KHDRBS2: variants seen among roughly 807,000 people sequenced by gnomAD.
The protein encoded by KHDRBS2 is KH domain-containing, RNA-binding, signal transduction-associated protein 2.
A neutral mutation model predicts 44.3 loss-of-function variants in KHDRBS2; 26 were observed. The observed-to-expected ratio is 0.59, with a 90% CI of 0.43 to 0.81. The LOEUF (loss-of-function observed/expected upper bound fraction) is 0.81. KHDRBS2 is among the 40% of genes least tolerant of loss of function. The pLI is 0.00. For synonymous variants in KHDRBS2, 194 were observed against 151.1 expected (o/e 1.28, Z -2.08); for missense variants, 476 against 433.1 (o/e 1.10, Z -0.88).
chr6:62,064,803 C>T (rs1184045192), intron 2 of KHDRBS2, among the ~76,000 whole-genome samples: 18 of 151,978 alleles, frequency 1.2e-4, no homozygotes, highest in African/African-American at 4.3e-4. Flanking sequence ...AACTAAACAG[C>T]TTCTGCACAG....
chr6:62,224,387 A>G (rs1831410010), intron 1 of KHDRBS2, among the ~76,000 whole-genome samples: 1 of 152,188 alleles, frequency 6.6e-6, no homozygotes, highest in African/African-American at 2.4e-5. Flanking sequence ...GGGTGGGGAC[A>G]CAGCCAAACC....
rs1585325122 is a variant in KHDRBS2 at position 62,232,958 on chromosome 6, C to T, written c.91+52900G>A. Among the ~76,000 whole-genome samples, 3 of 152,282 alleles carry T rather than the reference C, an allele frequency of 2.0e-5. 1 individual carries two copies. Among genetic ancestry groups the T allele is most frequent in the Middle Eastern group, 3.4e-3 (1 of 294 alleles). On this transcript the variant is annotated intron_variant, in intron 1 of 8. Coordinates refer to ENST00000281156, the MANE Select transcript of KHDRBS2 (RefSeq NM_152688.4). ...AACCAAAGAGTAGCACTTACAGTCA[C>T]AGCTCTGTCACCTCTTACACAAAGA...
intron 2 of KHDRBS2, among the ~76,000 whole-genome samples, chr6:62,095,093 A>G (rs553117523): frequency 6.5e-4 from 99 of 151,890 alleles, no homozygotes; most frequent in African/African-American, 2.3e-3. Flanking sequence ...CTCTGTTTCT[A>G]TGAAGAATGC....
At chr6:62,020,286 C>T (rs1782017039) in intron 3 of KHDRBS2, among the ~76,000 whole-genome samples, 1 of 151,900 alleles carries the variant, frequency 6.6e-6, no homozygotes. Context: ...CTTATTGATT[C>T]CTAATTTATG....
At chr6:62,176,791 T>A (rs1420175652) in intron 2 of KHDRBS2, among the ~76,000 whole-genome samples, 1 of 151,356 alleles carries the variant, frequency 6.6e-6, no homozygotes, top group African/African-American at 2.4e-5. Flanking sequence ...TTAGTAATAA[T>A]TCCCTGCTGA....
At chr6:61,850,756 G>C (rs754222467) in intron 6 of KHDRBS2, among the ~76,000 whole-genome samples, 6 of 152,064 alleles carry the variant, frequency 3.9e-5, no homozygotes, top group Non-Finnish European at 5.9e-5. Flanking sequence ...ACTGTTGAGG[G>C]GAGGCTGAGG....
intron 6 of KHDRBS2, among the ~76,000 whole-genome samples, chr6:61,856,270 C>G (rs1348400955): frequency 1.3e-5 from 2 of 152,146 alleles, no homozygotes; most frequent in Non-Finnish European, 2.9e-5. Flanking sequence ...ACTTTAGTGT[C>G]TAAGCTTCAC....
chr6:62,107,721 G>T (rs577127819), intron 2 of KHDRBS2, among the ~76,000 whole-genome samples: 5 of 152,266 alleles, frequency 3.3e-5, no homozygotes, highest in Non-Finnish European at 7.3e-5. Context: ...AACCAAAACA[G>T]CATGGTACTG....
At chr6:61,830,117 A>T (rs1211386058) in intron 6 of KHDRBS2, among the ~76,000 whole-genome samples, 9 of 152,224 alleles carry the variant, frequency 5.9e-5, no homozygotes, top group South Asian at 2.1e-4. Flanking sequence ...AAAATATAAT[A>T]TGAAACCACA....
At chr6:61,981,222 A>G (rs1773777014) in intron 3 of KHDRBS2, among the ~76,000 whole-genome samples, 1 of 152,210 alleles carries the variant, frequency 6.6e-6, no homozygotes, top group African/African-American at 2.4e-5. Context: ...GACAAAATGT[A>G]TATCAAAAGA....
intron 2 of KHDRBS2, among the ~76,000 whole-genome samples, chr6:62,137,594 G>A (rs1413357513): frequency 6.6e-6 from 1 of 152,088 alleles, no homozygotes; most frequent in Non-Finnish European, 1.5e-5. Flanking sequence ...GGTGGATATT[G>A]GGCAAACTGG....
intron 1 of KHDRBS2, among the ~76,000 whole-genome samples, chr6:62,241,342 T>A (rs1338176528): frequency 6.6e-6 from 1 of 152,190 alleles, no homozygotes; most frequent in African/African-American, 2.4e-5. Context: ...TACTCTTTTT[T>A]ATATGATAAA....
At chr6:61,602,857 C>T in the KHDRBS2 span, among the ~76,000 whole-genome samples, 3 of 152,254 alleles carry the variant, frequency 2.0e-5, no homozygotes, top group South Asian at 4.1e-4. Flanking sequence ...GCCCAGCTCC[C>T]TTATTAGGTC....
intron 4 of KHDRBS2, among the ~76,000 whole-genome samples, chr6:61,967,410 G>C (rs1400881857): frequency 7.1e-6 from 1 of 141,734 alleles, no homozygotes; most frequent in Non-Finnish European, 1.5e-5. Flanking sequence ...ATGATAGATA[G>C]ATAGACAGAT....
chr6:61,974,093 G>A lies in KHDRBS2; in HGVS notation c.483+3973C>T, dbSNP rs141374016. ...AGACAATGTACTATGTTTCAGTCAT[G>A]AGTTAATAATTAAGCATTAGTAAAA... On this transcript the variant is annotated intron_variant, in intron 4 of 8. Coordinates refer to ENST00000281156, the MANE Select transcript of KHDRBS2 (RefSeq NM_152688.4). Among the ~76,000 whole-genome samples the A allele has an allele frequency of 3.2e-3, 491 of 152,274 alleles. 4 individuals are homozygous for A. The highest frequency in any genetic ancestry group is 0.011 in the African/African-American group (463 of 41,542).
chr6:61,889,676 A>C (rs1400615037), intron 6 of KHDRBS2, among the ~76,000 whole-genome samples: 1 of 152,092 alleles, frequency 6.6e-6, no homozygotes, highest in Non-Finnish European at 1.5e-5. Context: ...CGCATGTTCT[A>C]TTATCCATGA....
At chr6:62,058,018 T>C (rs1018652588) in intron 2 of KHDRBS2, among the ~76,000 whole-genome samples, 10 of 151,990 alleles carry the variant, frequency 6.6e-5, no homozygotes, top group Admixed American at 2.0e-4. Flanking sequence ...TGGGCATATA[T>C]ATTTTTAAAT....
At chr6:61,817,083 C>T in intron 6 of KHDRBS2, 1 of 398,674 alleles carries the variant, frequency 2.5e-6, no homozygotes, top group Non-Finnish European at 5.1e-6. Context: ...AAAAACTTTC[C>T]ACAAAGCAAT....
At chr6:62,103,684 G>A (rs1188579746) in intron 2 of KHDRBS2, among the ~76,000 whole-genome samples, 1 of 152,030 alleles carries the variant, frequency 6.6e-6, no homozygotes, top group African/African-American at 2.4e-5. Context: ...GGCTCCCTGT[G>A]GCTCTGCAGA....
Sources: gnomAD v4.1 joint callset for allele counts (sites outside exome capture counted in the v4.1 genomes callset) on GRCh38, gnomAD v4.1.1 for gene constraint, MANE v1.5 for transcripts, NCBI Gene and HGNC (gene_info 2026-07-23, HGNC 2026-07-21) for gene names.